Variants in HPSE observed in about 807,000 individuals in gnomAD.
The protein encoded by HPSE is endo-glucoronidase.
HPSE carries 48 observed loss-of-function variants against 65.1 expected under a neutral mutation model. The ratio of observed to expected loss-of-function variants is 0.74; its 90% confidence interval spans 0.58 to 0.94. The LOEUF is 0.94. HPSE is among the 40% of genes least tolerant of loss of function. The pLI, the probability that HPSE is intolerant of heterozygous loss-of-function variation, is 0.00. For missense variants in HPSE, 644 were observed against 637.5 expected (o/e 1.01, Z -0.11); for synonymous variants, 243 against 260.0 (o/e 0.93, Z 0.63).
At chr4:83,322,790 TG>T (rs879441573) in intron 1 of HPSE, among the ~76,000 whole-genome samples, 12,585 of 70,052 alleles carry the variant, frequency 0.18, 510 homozygotes, top group African/African-American at 0.26. Context: ...AGAGCTTGTT[TG>T]TGTGTGTGTG....
rs749122804 is a variant in HPSE at position 83,322,299 on chromosome 4, T to A, written c.293A>T (p.Lys98Met). ...GGGATCGAAAATTAGGAAGTCTGTC[T>A]TGGTGCCACCAAACCTCAGGTACGC... ...SPAYLRFGGT[K>M]TDFLIFDPKK... Residue 98 changes from lysine (K) to methionine (M), a missense_variant, in exon 2 of 12, where the codon AAG becomes ATG. Transcript: ENST00000311412. 1 of 1,613,880 alleles carries A rather than the reference T, an allele frequency of 6.2e-7. No individual in the cohort carries two copies. Among genetic ancestry groups the A allele is most frequent in the African/African-American group, 1.3e-5 (1 of 74,910 alleles).
rs563568233 is a variant in HPSE, at chr4:83,309,957, T to G, written c.890+74A>C. 447 of 1,077,256 alleles carry G rather than the reference T, an allele frequency of 4.1e-4. 5 individuals are homozygous for G. In the South Asian group the frequency reaches 6.1e-3, roughly 15 times the overall value. The allele number at this position is 1,077,256 out of a possible 1,614,324, so 66.7% of individuals were successfully genotyped here. A position where few individuals can be genotyped will look rare whatever the true frequency, so the allele number is the denominator to read the frequency against. On this transcript the variant is annotated intron_variant, in intron 6 of 11. Coordinates refer to ENST00000311412, the MANE Select transcript of HPSE (RefSeq NM_001098540.3). The stretch of plus-strand genomic sequence containing the variant: ...GCAGTCAATTGGCAGTTAAATGAAC[T>G]AACTTTTTGAATACTAGGTAATAAA...
At chr4:83,319,608 A>G in intron 2 of HPSE, 139 bp from the exon 3 acceptor site, 1 of 841,270 alleles carries the variant, frequency 1.2e-6, no homozygotes, top group Non-Finnish European at 1.8e-6. Flanking sequence ...AGCAGAGAAA[A>G]GGTATATTCT....
chr4:83,309,402 CT>C lies in HPSE; in HGVS notation c.983del (p.Gln328ArgfsTer14). On this transcript the variant is annotated frameshift_variant and splice_region_variant, in exon 7 of 12. Coordinates refer to ENST00000311412, the MANE Select transcript of HPSE (RefSeq NM_001098540.3). LOFTEE classifies it high-confidence loss of function. ...TTAAAAAGTTTAAAAAGACTATTAC[CT>C]GGAAAACTTTTTGCACAGATGAAAT... Reference protein sequence around the residue: ...IFISSVQKVFQVVESTRPGKK... With the variant: ...IFISSVQKVFXVVESTRPGKK... 2 of 1,513,884 alleles carry C rather than the reference CT, an allele frequency of 1.3e-6. No individual in the cohort carries two copies. The highest frequency in any genetic ancestry group is 1.8e-6 in the Non-Finnish European group (2 of 1,103,398). The allele number at this position is 1,513,884 out of a possible 1,614,324, so 93.8% of individuals were successfully genotyped here.
Position 83,295,573 on chromosome 4 carries a change from T to A in HPSE, c.1473-70A>T, listed in dbSNP as rs75695154. 1.5e-3 allele frequency: 1,925 copies of A among 1,315,938 alleles called. 22 individuals are homozygous for A. The African/African-American group carries it at 0.026, about 18-fold the overall frequency. 81.5% of individuals were successfully genotyped at this position (1,315,938 alleles called of 1,614,324 possible). On this transcript the variant is annotated intron_variant, in intron 11 of 11. Coordinates refer to ENST00000311412, the MANE Select transcript of HPSE (RefSeq NM_001098540.3). ...CCCACCCATGCTGCTACAAAAGTCATGAAATCTTTTTTAGACCAAATAAAT... is the reference window on the plus strand; with the variant it reads ...CCCACCCATGCTGCTACAAAAGTCAAGAAATCTTTTTTAGACCAAATAAAT...
chr4:83,316,242 G>C (rs2126191298), intron 3 of HPSE, among the ~76,000 whole-genome samples: 1 of 151,498 alleles, frequency 6.6e-6, no homozygotes, highest in East Asian at 1.9e-4. Flanking sequence ...GGCCAGGCTA[G>C]TCTTGAACTC....
At chr4:83,302,103 T>G in intron 10 of HPSE, 47 bp downstream of exon 10, 1 of 1,264,274 alleles carries the variant, frequency 7.9e-7, no homozygotes, top group Non-Finnish European at 1.2e-6. Flanking sequence ...GTTACAGGCT[T>G]ACCCACTAAA....
intron 10 of HPSE, among the ~76,000 whole-genome samples, chr4:83,301,890 G>T (rs138507170): frequency 1.3e-5 from 2 of 152,134 alleles, no homozygotes; most frequent in African/African-American, 4.8e-5. Flanking sequence ...CCGGGAGGCG[G>T]AGGTTGCAGT....
chr4:83,297,564 C>G (rs2126181443), intron 11 of HPSE, among the ~76,000 whole-genome samples: 1 of 152,064 alleles, frequency 6.6e-6, no homozygotes, highest in East Asian at 1.9e-4. Context: ...ATTTGTTTTC[C>G]TTAAAGAAAT....
At chr4:83,322,789 T>TTGTGTG (rs386400677) in intron 1 of HPSE, among the ~76,000 whole-genome samples, 1,083 of 103,812 alleles carry the variant, frequency 0.01, 7 homozygotes, top group Admixed American at 0.047. Flanking sequence ...AAGAGCTTGT[T>TTGTGTG]TGTGTGTGTG....
At chr4:83,320,903 G>A (rs1455816286) in intron 2 of HPSE, among the ~76,000 whole-genome samples, 1 of 150,916 alleles carries the variant, frequency 6.6e-6, no homozygotes, top group Admixed American at 6.6e-5. Context: ...AAAGGGCCAA[G>A]TCTAAATAGA....
intron 1 of HPSE, among the ~76,000 whole-genome samples, chr4:83,324,551 C>A (rs1434571836): frequency 1.3e-5 from 2 of 152,056 alleles, no homozygotes; most frequent in East Asian, 3.8e-4. Flanking sequence ...ACACTAGGAA[C>A]CTCAGAATAA....
chr4:83,322,789 T>TTG (rs386400677), intron 1 of HPSE, among the ~76,000 whole-genome samples: 3,139 of 103,572 alleles, frequency 0.03, 28 homozygotes, highest in East Asian at 0.06. Flanking sequence ...AAGAGCTTGT[T>TTG]TGTGTGTGTG....
In HPSE at chr4:83,299,383, A is replaced by G. The variant is rs1173178012; in HGVS notation, c.1472+1577T>C. Among the ~76,000 whole-genome samples, 73 of 150,840 alleles carry G rather than the reference A, an allele frequency of 4.8e-4. 1 individual carries two copies. The highest frequency in any genetic ancestry group is 3.5e-3 in the Middle Eastern group (1 of 288). On this transcript the variant is annotated intron_variant, in intron 11 of 11. Transcript: ENST00000311412. The stretch of plus-strand genomic sequence containing the variant: ...TGTCTCAAAAAAAAAAAAAAAAAAA[A>G]AAAAAAGAAGAAAGAGAAAATGTCT...
chr4:83,320,348 T>C (rs965181571), intron 2 of HPSE, among the ~76,000 whole-genome samples: 2 of 152,126 alleles, frequency 1.3e-5, no homozygotes, highest in Non-Finnish European at 1.5e-5. Flanking sequence ...ATGGATAGCT[T>C]GAGCTCAGGA....
intron 11 of HPSE, 49 bp downstream of exon 11, chr4:83,300,911 C>T (rs1486306701): frequency 4.8e-6 from 6 of 1,260,008 alleles, no homozygotes; most frequent in Non-Finnish European, 6.6e-6. Context: ...TTCTGATAAA[C>T]ACCAATAAAT....
intron 3 of HPSE, among the ~76,000 whole-genome samples, chr4:83,316,880 G>A (rs575834020): frequency 6.6e-6 from 1 of 151,896 alleles, no homozygotes; most frequent in Admixed American, 6.6e-5. Context: ...TTTTGTTGTT[G>A]TTGTTTTTTG....
chr4:83,316,679 G>C (rs1736657405), intron 3 of HPSE, among the ~76,000 whole-genome samples: 1 of 152,154 alleles, frequency 6.6e-6, no homozygotes, highest in Non-Finnish European at 1.5e-5. Context: ...TTTAATAAGG[G>C]AGTCATCCTT....
At chr4:83,324,630 C>T (rs1737068372) in intron 1 of HPSE, among the ~76,000 whole-genome samples, 3 of 152,132 alleles carry the variant, frequency 2.0e-5, no homozygotes, top group Admixed American at 2.0e-4. Context: ...CCAAAGAGCT[C>T]TAGGAAGGAT....
Sources: gnomAD v4.1 joint callset for allele counts (sites outside exome capture counted in the v4.1 genomes callset) on GRCh38, gnomAD v4.1.1 for gene constraint, MANE v1.5 for transcripts, NCBI Gene and HGNC (gene_info 2026-07-23, HGNC 2026-07-21) for gene names.